The following DSCAM variants were observed in gnomAD, a reference collection of about 807,000 sequenced individuals.
DSCAM encodes the protein DS cell adhesion molecule, also known as cell adhesion molecule DSCAM.
Under a neutral mutation model 217.7 loss-of-function variants are expected in DSCAM, and 47 were observed. The observed-to-expected ratio is 0.22, with a 90% CI of 0.17 to 0.28. The LOEUF (loss-of-function observed/expected upper bound fraction) is 0.28, where lower values mean the gene tolerates loss of function less well. DSCAM is among the 10% of genes least tolerant of loss of function. DSCAM has a pLI of 1.00. For synonymous variants in DSCAM, 1,056 were observed against 1,015.3 expected (o/e 1.04, Z -0.76); for missense variants, 2,080 against 2,618.3 (o/e 0.79, Z 4.49).
chr21:40,136,932 C>T (rs1428618860), intron 18 of DSCAM, among the ~76,000 whole-genome samples: 3 of 151,872 alleles, frequency 2.0e-5, no homozygotes, highest in Non-Finnish European at 2.9e-5. Flanking sequence ...CCCAGCACTT[C>T]GGGAGGCCAA....
chr21:40,693,664 G>GA (rs1460360169), intron 2 of DSCAM, among the ~76,000 whole-genome samples: 1 of 152,144 alleles, frequency 6.6e-6, no homozygotes, highest in Non-Finnish European at 1.5e-5. Context: ...AGAACTCTGA[G>GA]ACAATTAAAA....
intron 3 of DSCAM, among the ~76,000 whole-genome samples, chr21:40,585,854 T>G (rs2076942615): frequency 6.6e-6 from 1 of 152,144 alleles, no homozygotes; most frequent in Admixed American, 6.5e-5. Flanking sequence ...CCTGTGCTCA[T>G]TTTGTTTGTT....
chr21:40,054,606 C>A (rs2088984268), intron 29 of DSCAM, among the ~76,000 whole-genome samples: 3 of 152,208 alleles, frequency 2.0e-5, no homozygotes, highest in Admixed American at 6.5e-5. Context: ...CAAACACCTT[C>A]CAAAACAAAC....
At chr21:40,722,911 A>C (rs1305677182) in intron 1 of DSCAM, among the ~76,000 whole-genome samples, 2 of 152,180 alleles carry the variant, frequency 1.3e-5, no homozygotes, top group African/African-American at 4.8e-5. Flanking sequence ...AAGAAATATT[A>C]CTAGGGACAG....
rs191124187 is a variant in DSCAM, at chr21:40,531,924, G to C, written c.508+160886C>G. On this transcript the variant is annotated intron_variant, in intron 3 of 32. Transcript: ENST00000400454. ...AAGATGAGGTGCTGGGCTTGGGGAG[G>C]ACACACAGTGGGTCCAGCGACATGT... Among the ~76,000 whole-genome samples, 706 of 152,302 alleles carry C rather than the reference G, an allele frequency of 4.6e-3. 3 individuals carry two copies. Among genetic ancestry groups the C allele is most frequent in the Non-Finnish European group, 6.3e-3 (428 of 68,016 alleles).
intron 3 of DSCAM, among the ~76,000 whole-genome samples, chr21:40,554,599 A>G (rs1283051414): frequency 1.3e-5 from 2 of 152,192 alleles, no homozygotes; most frequent in East Asian, 1.9e-4. Flanking sequence ...AGAAAAGTAT[A>G]TATTACAGAG....
At chr21:40,544,149 C>T (rs1340610998) in intron 3 of DSCAM, among the ~76,000 whole-genome samples, 2 of 152,192 alleles carry the variant, frequency 1.3e-5, no homozygotes, top group East Asian at 3.9e-4. Context: ...CTTCATAATA[C>T]AGGCAGGTGG....
intron 1 of DSCAM, among the ~76,000 whole-genome samples, chr21:40,774,794 C>T (rs370731159): frequency 1.3e-5 from 2 of 151,800 alleles, no homozygotes; most frequent in African/African-American, 4.8e-5. Flanking sequence ...TCAGCTTAAA[C>T]ATCTTACCAT....
At chr21:40,795,796 G>A (rs935095391) in intron 1 of DSCAM, among the ~76,000 whole-genome samples, 1 of 152,188 alleles carries the variant, frequency 6.6e-6, no homozygotes, top group African/African-American at 2.4e-5. Context: ...TGATTGTGTA[G>A]TAATCCAGTT....
At position 40,323,136 on chromosome 21, in the gene DSCAM, GCTCA is replaced by G. The variant is rs980724637; in HGVS notation, c.1784-10781_1784-10778del. 3.9e-5 allele frequency among the ~76,000 whole-genome samples: 6 copies of G among 152,068 alleles called. No individual in the cohort carries two copies. In the South Asian group the frequency reaches 6.2e-4, roughly 16 times the overall value. On this transcript the variant is annotated intron_variant, in intron 8 of 32. Coordinates refer to ENST00000400454, the MANE Select transcript of DSCAM (RefSeq NM_001389.5). The stretch of plus-strand genomic sequence containing the variant: ...CCTGAAGGACTGTTCTTGCTCCAGA[GCTCA>G]CTGTCATTGGCCTGCATCCCAGCTC...
chr21:40,571,661 ATG>A (rs1393851905), intron 3 of DSCAM, among the ~76,000 whole-genome samples: 5 of 152,244 alleles, frequency 3.3e-5, no homozygotes, highest in Admixed American at 3.3e-4. Context: ...TTTAATATAC[ATG>A]TGTGTTTGTT....
intron 3 of DSCAM, among the ~76,000 whole-genome samples, chr21:40,526,136 G>T (rs1037689316): frequency 2.0e-5 from 3 of 152,150 alleles, no homozygotes; most frequent in African/African-American, 7.2e-5. Context: ...CTAGGATCTT[G>T]CTTCTCGGGG....
At chr21:40,505,802 A>C (rs2076205784) in intron 3 of DSCAM, among the ~76,000 whole-genome samples, 1 of 152,208 alleles carries the variant, frequency 6.6e-6, no homozygotes. Context: ...AGTGCTTCTC[A>C]TTTAAAATCC....
At chr21:40,491,762 T>C (rs1202151991) in intron 3 of DSCAM, among the ~76,000 whole-genome samples, 1 of 152,134 alleles carries the variant, frequency 6.6e-6, no homozygotes, top group Non-Finnish European at 1.5e-5. Context: ...GAAAAGCTCT[T>C]CCTCTAAATA....
At chr21:40,157,680 C>T (rs935985331) in intron 16 of DSCAM, among the ~76,000 whole-genome samples, 4 of 112,600 alleles carry the variant, frequency 3.6e-5, no homozygotes, top group African/African-American at 1.2e-4. Flanking sequence ...CTTTGTCTCT[C>T]TTTCCTTTTC....
chr21:40,657,251 G>A (rs994166156), intron 3 of DSCAM, among the ~76,000 whole-genome samples: 2 of 152,130 alleles, frequency 1.3e-5, no homozygotes, highest in South Asian at 2.1e-4. Context: ...CATGAACAGT[G>A]TATATTCATG....
intron 1 of DSCAM, among the ~76,000 whole-genome samples, chr21:40,803,811 G>A (rs866929892): frequency 1.6e-4 from 25 of 152,192 alleles, no homozygotes; most frequent in Middle Eastern, 6.8e-3. Context: ...TGTCTGGACC[G>A]TTGAGTGTTG....
intron 3 of DSCAM, among the ~76,000 whole-genome samples, chr21:40,437,059 A>G (rs948100370): frequency 2.6e-4 from 40 of 152,210 alleles, no homozygotes; most frequent in Non-Finnish European, 4.3e-4. Flanking sequence ...TGGTGGCTGA[A>G]AACACAGGAA....
chr21:40,555,646 T>G (rs1313912768), intron 3 of DSCAM, among the ~76,000 whole-genome samples: 1 of 152,220 alleles, frequency 6.6e-6, no homozygotes, highest in Non-Finnish European at 1.5e-5. Flanking sequence ...TTGTTTGTTT[T>G]TTAAGACACA....
Sources: allele counts gnomAD v4.1 joint callset (sites outside exome capture counted in the v4.1 genomes callset), GRCh38; gene constraint gnomAD v4.1.1; transcripts MANE v1.5; gene names NCBI Gene and HGNC (gene_info 2026-07-23, HGNC 2026-07-21).